Variants in CCS observed in about 807,000 individuals in gnomAD.
The protein encoded by CCS is copper chaperone for superoxide dismutase.
A neutral mutation model predicts 35.5 loss-of-function variants in CCS; 32 were observed. The ratio of observed to expected loss-of-function variants is 0.90; its 90% CI spans 0.68 to 1.21. The LOEUF (loss-of-function observed/expected upper bound fraction) is 1.21, where lower values mean the gene tolerates loss of function less well. Ranked by LOEUF, CCS falls within the 50% of genes most tolerant of loss-of-function variation. CCS has a pLI of 0.00. For synonymous variants in CCS, 130 were observed against 147.2 expected (o/e 0.88, Z 0.84); for missense variants, 342 against 375.4 (o/e 0.91, Z 0.73).
intron 5 of CCS, among the ~76,000 whole-genome samples, chr11:66,601,730 A>AT (rs796398046): frequency 1.2e-3 from 178 of 148,284 alleles, no homozygotes; most frequent in African/African-American, 3.4e-3. Context: ...TGCCCAGCTA[A>AT]TTTTTTTTTT....
At chr11:66,602,928 G>A (rs544525263) in intron 5 of CCS, among the ~76,000 whole-genome samples, 1 of 152,352 alleles carries the variant, frequency 6.6e-6, no homozygotes, top group South Asian at 2.1e-4. Context: ...ATTCCATGTG[G>A]GAATTTGCAT....
chr11:66,594,731 C>T (rs1362316468), intron 2 of CCS, among the ~76,000 whole-genome samples: 1 of 150,540 alleles, frequency 6.6e-6, no homozygotes, highest in African/African-American at 2.5e-5. Context: ...AGTTGGATCG[C>T]TCCACTGCAC....
chr11:66,600,400 A>T, intron 4 of CCS, 89 bp from the exon 5 acceptor site: 1 of 776,182 alleles, frequency 1.3e-6, no homozygotes, highest in Non-Finnish European at 2.0e-6. Context: ...TGAATGAATG[A>T]ATGAATGAAG....
Position 66,599,260 on chromosome 11 carries a change from G to A in CCS, c.250+7G>A. On this transcript the variant is annotated splice_region_variant and intron_variant, in intron 3 of 7. Coordinates refer to ENST00000533244, the MANE Select transcript of CCS (RefSeq NM_005125.2). ...ATGGGCAGCGGCCAGTTGCGTGAGT[G>A]ACCACTGTGGCCTTGGCCCCTCTCG... is the stretch of plus-strand genomic sequence containing the variant. The A allele has an allele frequency of 2.5e-6, 4 of 1,593,944 alleles. No homozygotes were observed. The highest frequency in any genetic ancestry group is 3.4e-6 in the Non-Finnish European group (4 of 1,170,398).
At position 66,595,131 on chromosome 11, in the gene CCS, G is replaced by A. The variant is rs118008178; in HGVS notation, c.112+1417G>A. On this transcript the variant is annotated intron_variant, in intron 2 of 7. Coordinates refer to ENST00000533244, the MANE Select transcript of CCS (RefSeq NM_005125.2). Reference sequence around the variant, plus strand: ...TCTGTTTCTTCTGTGTTAAATGGGGGATGATAATAGAAGCTAATCTGGAGG... The same window carrying A: ...TCTGTTTCTTCTGTGTTAAATGGGGAATGATAATAGAAGCTAATCTGGAGG... Among the ~76,000 whole-genome samples, 30 of 152,236 alleles carry A rather than the reference G, an allele frequency of 2.0e-4. No homozygotes were observed. In the East Asian group the frequency reaches 5.8e-3, roughly 29 times the overall value.
At position 66,605,350 on chromosome 11, in the gene CCS, CCT is replaced by C. The variant is rs1189669219; in HGVS notation, c.502_503del (p.Leu168GlyfsTer6). On this transcript the variant is annotated frameshift_variant, in exon 6 of 8. Transcript: ENST00000533244. LOFTEE classifies it high-confidence loss of function. The part of the protein sequence containing the change: ...PQDSDRHRGD[L>X]GNVRADADGR... ...GGATCTCATTCCAGCACCGCGGAGA[CCT>C]GGGCAATGTCCGTGCTGATGCTGAC... 1.2e-6 allele frequency: 2 copies of C among 1,614,056 alleles called. No homozygotes were observed. Among genetic ancestry groups the C allele is most frequent in the African/African-American group, 2.7e-5 (2 of 74,922 alleles).
chr11:66,593,757 C>T, intron 2 of CCS, 43 bp downstream of exon 2: 2 of 1,570,760 alleles, frequency 1.3e-6, no homozygotes, highest in South Asian at 2.2e-5. Flanking sequence ...CCAGAAGCCT[C>T]TGGGAGGGAC....
rs1276023234 is a variant in CCS at position 66,599,271 on chromosome 11, C to T, written c.250+18C>T. 1 of 1,575,536 alleles carries T rather than the reference C, an allele frequency of 6.3e-7. No individual in the cohort carries two copies. The highest frequency in any genetic ancestry group is 1.4e-5 in the African/African-American group (1 of 73,154). ...CCAGTTGCGTGAGTGACCACTGTGG[C>T]CTTGGCCCCTCTCGGAGGGAGGTGG... On this transcript the variant is annotated intron_variant, in intron 3 of 7. Transcript: ENST00000533244.
At chr11:66,598,818 AC>A (rs1858523886) in intron 2 of CCS, among the ~76,000 whole-genome samples, 1 of 152,144 alleles carries the variant, frequency 6.6e-6, no homozygotes, top group Admixed American at 6.5e-5. Flanking sequence ...TAAAAAAAAA[AC>A]AAAACACTGC....
At chr11:66,600,734 A>G (rs1449431079) in intron 5 of CCS, among the ~76,000 whole-genome samples, 185 bp downstream of exon 5, 2 of 152,140 alleles carry the variant, frequency 1.3e-5, no homozygotes, top group Non-Finnish European at 2.9e-5. Flanking sequence ...AGGGGATACA[A>G]TAGATTACAG....
At chr11:66,599,817 G>A (rs1333063059) in intron 4 of CCS, 181 bp downstream of exon 4, 1 of 616,596 alleles carries the variant, frequency 1.6e-6, no homozygotes, top group Non-Finnish European at 2.7e-6. Flanking sequence ...GTTGGGGTTT[G>A]AGTCAAGATC....
chr11:66,593,370 T>G (rs1418765729), intron 1 of CCS, 70 bp downstream of exon 1: 1 of 1,420,964 alleles, frequency 7.0e-7, no homozygotes, highest in African/African-American at 1.4e-5. Context: ...ATCGTTACCT[T>G]GGGAAGAGGA....
intron 2 of CCS, among the ~76,000 whole-genome samples, chr11:66,596,420 C>A (rs986185501): frequency 1.8e-4 from 27 of 149,442 alleles, no homozygotes; most frequent in African/African-American, 6.7e-4. Context: ...CGCTCTGTTG[C>A]CCAGGCTGGA....
chr11:66,605,786 G>A lies in CCS; in HGVS notation c.756G>A (p.Trp252Ter). The A allele has an allele frequency of 6.2e-7, 1 of 1,606,996 alleles. No individual in the cohort carries two copies. The highest frequency in any genetic ancestry group is 1.1e-5 in the South Asian group (1 of 90,352). ...QICSCDGLTI[W>*]EERGRPIAGK... ...GCTCTTGCGATGGCCTCACCATCTGGGAGGAGCGAGGCCGGCCCATCGCTG... is the reference window on the plus strand; with the variant it reads ...GCTCTTGCGATGGCCTCACCATCTGAGAGGAGCGAGGCCGGCCCATCGCTG... The change falls in exon 8 of 8, where the codon TGG becomes TGA. Residue 252 changes from tryptophan to a stop codon, truncating the protein, a stop_gained. Transcript: ENST00000533244. LOFTEE classifies it high-confidence loss of function.
intron 5 of CCS, chr11:66,605,032 G>A (rs1858630963): frequency 1.9e-6 from 2 of 1,049,908 alleles, no homozygotes; most frequent in Non-Finnish European, 2.6e-6. Flanking sequence ...GGGAATGACT[G>A]CACAGGCAGG....
chr11:66,599,598 C>T lies in CCS; in HGVS notation c.390C>T (p.His130=), dbSNP rs574904327. 1.2e-5 allele frequency: 20 copies of T among 1,607,984 alleles called. No individual in the cohort carries two copies. The highest frequency in any genetic ancestry group is 6.7e-5 in the East Asian group (3 of 44,660). ...TGGAGCCTGGGCTGCATGGACTCCA[C>T]GTCCATCAGTACGGGGACCTTACAA... ...DGLEPGLHGL[H]VHQYGDLTNN... is the part of the protein sequence containing the mutation. Residue 130 remains histidine, a synonymous_variant, in exon 4 of 8, where the codon CAC becomes CAT. Coordinates refer to ENST00000533244, the MANE Select transcript of CCS (RefSeq NM_005125.2).
chr11:66,605,135 G>A, intron 5 of CCS: 1 of 1,528,288 alleles, frequency 6.5e-7, no homozygotes, highest in Non-Finnish European at 8.8e-7. Flanking sequence ...GGACTTCCTG[G>A]ACCACTTTCC....
At position 66,599,165 on chromosome 11, in the gene CCS, C is replaced by T. The variant is rs1858529598; in HGVS notation, c.162C>T (p.His54=). 3.1e-6 allele frequency: 5 copies of T among 1,614,094 alleles called. No individual in the cohort carries two copies. The East Asian group carries it at 8.9e-5, about 29-fold the overall frequency. ...TGGAGGACCAGATGGTCTTGGTACA[C>T]ACCACTCTACCCAGCCAGGAGGTGC... is the stretch of plus-strand genomic sequence containing the variant. The part of the protein sequence containing the change: ...VHLEDQMVLV[H]TTLPSQEVQA... Residue 54 remains histidine, a synonymous_variant, in exon 3 of 8, where the codon CAC becomes CAT. Transcript: ENST00000533244.
intron 2 of CCS, among the ~76,000 whole-genome samples, chr11:66,597,056 T>C (rs1270822670): frequency 6.6e-6 from 1 of 152,210 alleles, no homozygotes; most frequent in Non-Finnish European, 1.5e-5. Context: ...GTACCAAATA[T>C]GTTAAGACAG....
Sources: allele counts gnomAD v4.1 joint callset (sites outside exome capture counted in the v4.1 genomes callset), GRCh38; gene constraint gnomAD v4.1.1; transcripts MANE v1.5; gene names NCBI Gene and HGNC (gene_info 2026-07-23, HGNC 2026-07-21).